RFPL1: variants seen among roughly 807,000 people sequenced by gnomAD.
The protein encoded by RFPL1 is ret finger protein like 1, also known as ret finger protein-like 1.
In RFPL1, 6 loss-of-function variants were observed where a neutral mutation model predicts 9.6. The observed-to-expected ratio is 0.62, with a 90% CI of 0.34 to 1.23. The LOEUF is 1.23. Among genes scored for constraint, RFPL1 ranks in the 50% most tolerant of loss-of-function variants. The probability of loss-of-function intolerance (pLI) is 0.03; values close to 1 mark genes in which losing one functional copy is unlikely to be tolerated. For synonymous variants in RFPL1, 145 were observed against 149.4 expected, an observed-to-expected ratio of 0.97 and a Z score of 0.22; for missense variants, 352 against 398.4, an observed-to-expected ratio of 0.88 and a Z score of 0.99.
the RFPL1 span, among the ~76,000 whole-genome samples, chr22:29,424,840 C>G: frequency 8.9e-3 from 1,015 of 113,538 alleles, 29 homozygotes; most frequent in Middle Eastern, 0.043. Flanking sequence ...CCCACCCCCC[C>G]CCCCGCAAAA....
At chr22:29,412,141 T>A in the RFPL1 span, among the ~76,000 whole-genome samples, 1 of 151,976 alleles carries the variant, frequency 6.6e-6, no homozygotes, top group Admixed American at 6.6e-5. Flanking sequence ...AGGAATCAGG[T>A]CCCCACTTTT....
chr22:29,422,426 A>G, the RFPL1 span, among the ~76,000 whole-genome samples: 2 of 152,206 alleles, frequency 1.3e-5, no homozygotes, highest in Non-Finnish European at 2.9e-5. Flanking sequence ...CAAAAATACA[A>G]AATTAGCCAG....
chr22:29,405,158 A>G, the RFPL1 span, among the ~76,000 whole-genome samples: 11 of 152,180 alleles, frequency 7.2e-5, no homozygotes, highest in Admixed American at 2.6e-4. Flanking sequence ...TTAAAACGTT[A>G]AACAGTTTAG....
At chr22:29,395,224 A>G in the RFPL1 span, among the ~76,000 whole-genome samples, 1 of 152,138 alleles carries the variant, frequency 6.6e-6, no homozygotes, top group Admixed American at 6.5e-5. Context: ...GCCTTTCTAT[A>G]TACATTCCCA....
At chr22:29,438,642 C>T (rs1224281394) in exon 1 of RFPL1, 7 of 1,486,990 alleles carry the variant, frequency 4.7e-6, no homozygotes, top group Non-Finnish European at 6.3e-6. Flanking sequence ...CCTTCCTCCA[C>T]CTCAGTTCAG....
the RFPL1 span, among the ~76,000 whole-genome samples, chr22:29,418,415 GTGTT>G: frequency 6.6e-6 from 1 of 151,682 alleles, no homozygotes; most frequent in South Asian, 2.1e-4. Context: ...GCACCACACA[GTGTT>G]TGTTTAATAT....
chr22:29,419,161 TC>T, the RFPL1 span: 1 of 1,609,878 alleles, frequency 6.2e-7, no homozygotes, highest in South Asian at 1.1e-5. Flanking sequence ...ACACCTGACA[TC>T]TTTGCCCACG....
chr22:29,392,430 C>G, the RFPL1 span, among the ~76,000 whole-genome samples: 1 of 125,924 alleles, frequency 7.9e-6, no homozygotes, highest in African/African-American at 2.9e-5. Flanking sequence ...GTCTCCGTCA[C>G]TCAGGCTGGA....
the RFPL1 span, chr22:29,432,944 T>C: frequency 1.3e-5 from 2 of 152,132 alleles, no homozygotes; most frequent in African/African-American, 2.4e-5. Flanking sequence ...ACATTGGCCA[T>C]GGCAGAACAT....
At chr22:29,438,161 A>G (rs1356543219), upstream of RFPL1, 1 of 154,918 alleles carries the variant, frequency 6.5e-6, no homozygotes, top group Non-Finnish European at 1.4e-5. Flanking sequence ...GATGTGAGCT[A>G]CTGCATCCAG....
chr22:29,423,777 A>T, the RFPL1 span, among the ~76,000 whole-genome samples: 1 of 152,224 alleles, frequency 6.6e-6, no homozygotes, highest in African/African-American at 2.4e-5. Context: ...TAAGCTGCTA[A>T]AACAGTAACA....
the RFPL1 span, among the ~76,000 whole-genome samples, chr22:29,393,953 A>G: frequency 6.6e-6 from 1 of 152,122 alleles, no homozygotes; most frequent in South Asian, 2.1e-4. Context: ...CTGGGATTAC[A>G]GGCATGAGCC....
At chr22:29,438,650 C>A in exon 1 of RFPL1, 1 of 1,504,746 alleles carries the variant, frequency 6.6e-7, no homozygotes, top group Non-Finnish European at 8.9e-7. Flanking sequence ...CACCTCAGTT[C>A]AGAGCACAGT....
At chr22:29,388,135 C>T in the RFPL1 span, among the ~76,000 whole-genome samples, 1 of 152,250 alleles carries the variant, frequency 6.6e-6, no homozygotes, top group Non-Finnish European at 1.5e-5. Flanking sequence ...GAAGAGTTTT[C>T]CCTCAGGCCA....
the RFPL1 span, among the ~76,000 whole-genome samples, chr22:29,431,427 G>T: frequency 1.3e-5 from 2 of 152,122 alleles, no homozygotes; most frequent in Non-Finnish European, 2.9e-5. Flanking sequence ...TGGCCAACTC[G>T]ATGAGATGAT....
At chr22:29,413,087 G>A in the RFPL1 span, among the ~76,000 whole-genome samples, 1 of 151,708 alleles carries the variant, frequency 6.6e-6, no homozygotes, top group Non-Finnish European at 1.5e-5. Context: ...AAACGATTCT[G>A]CAGAAAAAAA....
At chr22:29,430,428 A>T in the RFPL1 span, among the ~76,000 whole-genome samples, 1 of 152,206 alleles carries the variant, frequency 6.6e-6, no homozygotes, top group Non-Finnish European at 1.5e-5. Flanking sequence ...ACGCATTTAA[A>T]TATGTATACT....
the RFPL1 span, among the ~76,000 whole-genome samples, chr22:29,419,812 A>G: frequency 4.0e-5 from 6 of 151,808 alleles, no homozygotes; most frequent in South Asian, 2.1e-4. Context: ...AAAAAAAAAA[A>G]AAAAGAAAAG....
At chr22:29,424,844 C>G in the RFPL1 span, among the ~76,000 whole-genome samples, 4 of 119,900 alleles carry the variant, frequency 3.3e-5, no homozygotes, top group Admixed American at 8.5e-5. Context: ...CCCCCCCCCC[C>G]GCAAAATTGA....
Sources: gnomAD v4.1 joint callset for allele counts (sites outside exome capture counted in the v4.1 genomes callset) on GRCh38, gnomAD v4.1.1 for gene constraint, MANE v1.5 for transcripts, NCBI Gene and HGNC (gene_info 2026-07-23, HGNC 2026-07-21) for gene names.